C16orf74: variants seen among roughly 807,000 people sequenced by gnomAD.
The protein encoded by C16orf74 is calcimembrin, also known as uncharacterized protein C16orf74.
A neutral mutation model predicts 6.5 loss-of-function variants in C16orf74; 10 were observed. The observed-to-expected ratio is 1.54, with a 90% CI of 0.95 to 2.61. The LOEUF is 2.61. Among genes scored for constraint, C16orf74 ranks in the 30% most tolerant of loss-of-function variants. The probability of loss-of-function intolerance (pLI) is 0.00; values close to 1 mark genes in which losing one functional copy is unlikely to be tolerated. For synonymous variants in C16orf74, 60 were observed against 42.5 expected, an observed-to-expected ratio of 1.41 and a Z score of -1.60; for missense variants, 141 against 105.9, an observed-to-expected ratio of 1.33 and a Z score of -1.45.
chr16:85,708,943 G>C (rs1370370300), intron 3 of C16orf74, among the ~76,000 whole-genome samples: 1 of 152,284 alleles, frequency 6.6e-6, no homozygotes, highest in Non-Finnish European at 1.5e-5. Context: ...CTTGCGGGGA[G>C]GACATCCGGC....
At chr16:85,717,539 G>A (rs2152059169) in intron 2 of C16orf74, among the ~76,000 whole-genome samples, 1 of 152,204 alleles carries the variant, frequency 6.6e-6, no homozygotes, top group East Asian at 1.9e-4. Flanking sequence ...GCTGCCAAGT[G>A]TGGGGAGAAA....
chr16:85,728,800 A>G (rs540457370), intron 2 of C16orf74, among the ~76,000 whole-genome samples: 19 of 152,314 alleles, frequency 1.2e-4, no homozygotes, highest in African/African-American at 4.3e-4. Flanking sequence ...GGGCACGGGA[A>G]GTGACTTGCA....
intron 3 of C16orf74, among the ~76,000 whole-genome samples, chr16:85,708,483 G>A (rs1469340290): frequency 3.3e-5 from 5 of 152,150 alleles, no homozygotes; most frequent in Admixed American, 6.5e-5. Flanking sequence ...ACAGTACTGG[G>A]GTGCAGGAGG....
chr16:85,709,041 CCT>C (rs1262567351), intron 3 of C16orf74, among the ~76,000 whole-genome samples: 11 of 152,360 alleles, frequency 7.2e-5, no homozygotes, highest in African/African-American at 2.6e-4. Flanking sequence ...AGTGTCTCAG[CCT>C]CTCTCAACCT....
At chr16:85,727,964 CAAAAAAAAAAA>C in intron 2 of C16orf74, among the ~76,000 whole-genome samples, 1 of 75,788 alleles carries the variant, frequency 1.3e-5, no homozygotes, top group South Asian at 5.3e-4. Context: ...CCCTTCTCTA[CAAAAAAAAAAA>C]AAAAAAAAAA....
chr16:85,723,705 G>T (rs1183953420), intron 2 of C16orf74, among the ~76,000 whole-genome samples: 5 of 152,274 alleles, frequency 3.3e-5, no homozygotes, highest in Non-Finnish European at 7.3e-5. Flanking sequence ...GGGCAAGGCA[G>T]GCCGGATTTG....
In C16orf74 at chr16:85,710,286, C is replaced by G. The variant is rs1352893505; in HGVS notation, c.50G>C (p.Ser17Thr). ...GGCCTCGTCGTGGCTGCTGCTGCTG[C>G]TGCTGACACACATTTGAAAGCCTGA... ...CLKGFQMCVS[S>T]SSSSHDEAPV... The change falls in exon 3 of 4, where the codon AGC becomes ACC. Residue 17 changes from serine (S) to threonine (T), a missense_variant. Ser to Thr is a moderately conservative substitution (Grantham distance 58). Transcript: ENST00000284245. 6.6e-7 allele frequency: 1 copy of G among 1,511,550 alleles called. No individual in the cohort carries two copies. 93.6% of individuals were successfully genotyped at this position (1,511,550 alleles called of 1,614,324 possible).
At chr16:85,716,455 G>C (rs2054024657) in intron 2 of C16orf74, among the ~76,000 whole-genome samples, 1 of 143,108 alleles carries the variant, frequency 7.0e-6, no homozygotes, top group East Asian at 2.1e-4. Flanking sequence ...GGAAGGAAGA[G>C]AGGAGGGAGA....
At chr16:85,719,129 T>A (rs1364983707) in intron 2 of C16orf74, among the ~76,000 whole-genome samples, 1 of 152,212 alleles carries the variant, frequency 6.6e-6, no homozygotes, top group Non-Finnish European at 1.5e-5. Context: ...TATGTCACCC[T>A]CCTTTGCAGC....
At chr16:85,714,545 T>G (rs1468848041) in intron 2 of C16orf74, among the ~76,000 whole-genome samples, 1 of 151,740 alleles carries the variant, frequency 6.6e-6, no homozygotes, top group African/African-American at 2.4e-5. Flanking sequence ...TCAGCCTCCC[T>G]AGTAGCTGGG....
chr16:85,720,984 G>C (rs992842659), intron 2 of C16orf74, among the ~76,000 whole-genome samples: 4 of 152,074 alleles, frequency 2.6e-5, no homozygotes, highest in African/African-American at 9.7e-5. Context: ...CCAGCTACTT[G>C]GGAGGCTGAG....
At chr16:85,724,801 G>A (rs1375279958) in intron 2 of C16orf74, among the ~76,000 whole-genome samples, 2 of 152,234 alleles carry the variant, frequency 1.3e-5, no homozygotes, top group African/African-American at 2.4e-5. Context: ...CGTGGTCTGT[G>A]TGTGCCAAGT....
intron 2 of C16orf74, among the ~76,000 whole-genome samples, chr16:85,711,271 A>T (rs1173082961): frequency 6.8e-6 from 1 of 147,894 alleles, no homozygotes; most frequent in African/African-American, 2.5e-5. Flanking sequence ...GGCTGAGATC[A>T]CACCATTGCA....
At chr16:85,712,976 C>A (rs2053985333) in intron 2 of C16orf74, among the ~76,000 whole-genome samples, 1 of 152,200 alleles carries the variant, frequency 6.6e-6, no homozygotes, top group Non-Finnish European at 1.5e-5. Context: ...ATCAATCAGC[C>A]TCCAGAGGAG....
intron 1 of C16orf74, among the ~76,000 whole-genome samples, chr16:85,739,007 G>C (rs559040035): frequency 6.6e-6 from 1 of 152,280 alleles, no homozygotes; most frequent in East Asian, 1.9e-4. Flanking sequence ...TTAGTGACCA[G>C]GCAGACCTGG....
At chr16:85,728,118 A>G (rs998314989) in intron 2 of C16orf74, among the ~76,000 whole-genome samples, 6 of 152,166 alleles carry the variant, frequency 3.9e-5, no homozygotes, top group Non-Finnish European at 7.3e-5. Context: ...AGCCTGAGCA[A>G]CAGAGGGAGA....
rs775682890 is a variant in C16orf74, at chr16:85,710,117, G to C, written c.172+47C>G. On this transcript the variant is annotated intron_variant, in intron 3 of 3. Coordinates refer to ENST00000284245, the MANE Select transcript of C16orf74 (RefSeq NM_206967.3). ...GACGCCCCTGAGAGCTGTCTCCACCGGGCCCCCACAGCCGACCCGGCTTGG... is the reference window on the plus strand; with the variant it reads ...GACGCCCCTGAGAGCTGTCTCCACCCGGCCCCCACAGCCGACCCGGCTTGG... The C allele has an allele frequency of 5.9e-6, 8 of 1,363,246 alleles. No homozygotes were observed. The South Asian group carries it at 9.0e-5, about 15-fold the overall frequency. The allele number at this position is 1,363,246 out of a possible 1,614,324, so 84.4% of individuals were successfully genotyped here.
In C16orf74 at chr16:85,707,874, T is replaced by C. The variant is rs2053928286; in HGVS notation, c.*134A>G. The C allele has an allele frequency of 1.3e-5, 9 of 699,692 alleles. 1 individual carries two copies. The Admixed American group carries it at 1.5e-4, about 12-fold the overall frequency. The allele number at this position is 699,692 out of a possible 1,614,324, so 43.3% of individuals were successfully genotyped here. A position where few individuals can be genotyped will look rare whatever the true frequency, so the allele number is the denominator to read the frequency against. Reference sequence around the variant, plus strand: ...TTCCTCGCTGGTCCTGCCACGTCTCTCTGAGCGGAGGCCCGGGTTCGCTCA... The same window carrying C: ...TTCCTCGCTGGTCCTGCCACGTCTCCCTGAGCGGAGGCCCGGGTTCGCTCA... On this transcript the variant is annotated 3_prime_UTR_variant, in exon 4 of 4. Coordinates refer to ENST00000284245, the MANE Select transcript of C16orf74 (RefSeq NM_206967.3).
intron 2 of C16orf74, among the ~76,000 whole-genome samples, chr16:85,715,604 G>A (rs1395914800): frequency 6.6e-6 from 1 of 152,176 alleles, no homozygotes; most frequent in Non-Finnish European, 1.5e-5. Context: ...GCTTTGCCAC[G>A]GCAGCCTGAA....
Sources: gnomAD v4.1 joint callset for allele counts (sites outside exome capture counted in the v4.1 genomes callset) on GRCh38, gnomAD v4.1.1 for gene constraint, MANE v1.5 for transcripts, NCBI Gene and HGNC (gene_info 2026-07-23, HGNC 2026-07-21) for gene names.